Variants in FAM151B observed in about 807,000 individuals in gnomAD.
FAM151B encodes protein FAM151B.
A neutral mutation model predicts 31.2 loss-of-function variants in FAM151B; 24 were observed. That is an observed-to-expected ratio of 0.77 (90% CI 0.56 to 1.08). The LOEUF is 1.08. FAM151B is among the 50% of genes least tolerant of loss of function. FAM151B has a pLI of 0.00. For missense variants in FAM151B, 293 were observed against 328.6 expected, an observed-to-expected ratio of 0.89 and a Z score of 0.84; for synonymous variants, 105 against 111.4, an observed-to-expected ratio of 0.94 and a Z score of 0.36.
At chr5:80,494,485 TTTC>T (rs1272194602) in intron 1 of FAM151B, among the ~76,000 whole-genome samples, 3 of 144,876 alleles carry the variant, frequency 2.1e-5, no homozygotes, top group African/African-American at 8.1e-5. Context: ...TCTTTCTTTC[TTTC>T]TTTCTTTCTT....
chr5:80,537,243 G>T (rs1215260646), intron 5 of FAM151B, among the ~76,000 whole-genome samples: 1 of 152,128 alleles, frequency 6.6e-6, no homozygotes, highest in Admixed American at 6.5e-5. Context: ...AATCAACCTT[G>T]CTGATCCCTT....
chr5:80,541,815 A>C lies in FAM151B; in HGVS notation c.814A>C (p.Ile272Leu). Residue 272 changes from isoleucine (I) to leucine (L), a missense_variant, in exon 6 of 6, where the codon ATC becomes CTC. Coordinates refer to ENST00000282226, the MANE Select transcript of FAM151B (RefSeq NM_205548.3). ...QNHEFKQAIG[I>L]KVNL The stretch of plus-strand genomic sequence containing the variant: ...CCATGAATTTAAACAAGCCATTGGA[A>C]TCAAAGTTAATCTCTAAGAAGAAGA... 1 of 1,611,848 alleles carries C rather than the reference A, an allele frequency of 6.2e-7. No homozygotes were observed. The highest frequency in any genetic ancestry group is 8.5e-7 in the Non-Finnish European group (1 of 1,179,326).
chr5:80,523,538 A>G (rs1744811644), intron 5 of FAM151B, among the ~76,000 whole-genome samples: 4 of 152,332 alleles, frequency 2.6e-5, no homozygotes, highest in Middle Eastern at 3.4e-3. Context: ...TTCTGGAAGC[A>G]TCGTTTGTAT....
chr5:80,538,800 C>T (rs1017302938), intron 5 of FAM151B, among the ~76,000 whole-genome samples: 5 of 151,582 alleles, frequency 3.3e-5, no homozygotes, highest in Admixed American at 6.6e-5. Flanking sequence ...GGTTTTGCTA[C>T]ATTGGCCAGG....
At chr5:80,492,928 T>C (rs1414154209) in intron 1 of FAM151B, among the ~76,000 whole-genome samples, 2 of 152,170 alleles carry the variant, frequency 1.3e-5, no homozygotes, top group African/African-American at 4.8e-5. Context: ...CACACCAGCC[T>C]GGGCAACAGA....
At chr5:80,511,435 CAAAAAAAA>C (rs57587683) in intron 2 of FAM151B, among the ~76,000 whole-genome samples, 9 of 54,086 alleles carry the variant, frequency 1.7e-4, no homozygotes, top group South Asian at 7.4e-4. Context: ...GACTCTGTCT[CAAAAAAAA>C]AAAAAAAAAA....
chr5:80,529,958 G>T (rs370319706), intron 5 of FAM151B, among the ~76,000 whole-genome samples: 2 of 152,126 alleles, frequency 1.3e-5, no homozygotes, highest in Non-Finnish European at 2.9e-5. Flanking sequence ...ACCAATATCC[G>T]TGATGAACAT....
At chr5:80,524,892 A>T (rs928014793) in intron 5 of FAM151B, among the ~76,000 whole-genome samples, 2 of 152,320 alleles carry the variant, frequency 1.3e-5, no homozygotes, top group African/African-American at 4.8e-5. Flanking sequence ...TATCTTGATC[A>T]TCCACAGATC....
chr5:80,520,010 C>G, intron 4 of FAM151B, 100 bp downstream of exon 4: 1 of 1,157,002 alleles, frequency 8.6e-7, no homozygotes, highest in South Asian at 1.6e-5. Flanking sequence ...TCTACAAAAT[C>G]TAAGCCTGAT....
intron 2 of FAM151B, among the ~76,000 whole-genome samples, chr5:80,512,082 A>G (rs574957854): frequency 1.1e-4 from 16 of 152,292 alleles, no homozygotes; most frequent in Admixed American, 8.5e-4. Flanking sequence ...TTTTCACAAC[A>G]TTGACTTTGT....
At chr5:80,538,460 T>TCTCTCTC (rs1561383674) in intron 5 of FAM151B, among the ~76,000 whole-genome samples, 29 of 82,112 alleles carry the variant, frequency 3.5e-4, no homozygotes, top group Non-Finnish European at 4.8e-4. Flanking sequence ...CTTTCTTTCT[T>TCTCTCTC]TCTTTCTTTC....
intron 5 of FAM151B, among the ~76,000 whole-genome samples, chr5:80,533,364 G>A (rs574719932): frequency 7.2e-5 from 11 of 151,892 alleles, no homozygotes; most frequent in East Asian, 5.8e-4. Flanking sequence ...GTGACAAAGC[G>A]AGACTCCATC....
At chr5:80,537,220 T>C (rs1561382490) in intron 5 of FAM151B, among the ~76,000 whole-genome samples, 1 of 152,186 alleles carries the variant, frequency 6.6e-6, no homozygotes, top group Non-Finnish European at 1.5e-5. Context: ...CCAATTCCTG[T>C]CGCTCCTGGA....
At chr5:80,505,701 T>C (rs248998) in intron 2 of FAM151B, among the ~76,000 whole-genome samples, 54,768 of 149,514 alleles carry the variant, frequency 0.37, 10,606 homozygotes, top group African/African-American at 0.5. Flanking sequence ...GCCACATCCA[T>C]TGAGTTCTTA....
intron 1 of FAM151B, chr5:80,500,490 C>G: frequency 1.3e-6 from 1 of 782,446 alleles, no homozygotes; most frequent in Non-Finnish European, 2.3e-6. Context: ...TGTGAAAAAG[C>G]AAAACACTGT....
intron 2 of FAM151B, among the ~76,000 whole-genome samples, chr5:80,506,333 A>G (rs541445879): frequency 6.6e-6 from 1 of 152,358 alleles, no homozygotes; most frequent in East Asian, 1.9e-4. Flanking sequence ...CTGTCTTAAA[A>G]TCATGAGATG....
At chr5:80,538,185 A>G (rs1745608184) in intron 5 of FAM151B, among the ~76,000 whole-genome samples, 1 of 151,500 alleles carries the variant, frequency 6.6e-6, no homozygotes, top group African/African-American at 2.4e-5. Flanking sequence ...CTCCTGCCTC[A>G]GCCTCCCAAG....
At chr5:80,494,669 C>T (rs1022306306) in intron 1 of FAM151B, among the ~76,000 whole-genome samples, 60 of 151,446 alleles carry the variant, frequency 4.0e-4, no homozygotes, top group Non-Finnish European at 1.5e-4. Context: ...CACACCACCA[C>T]GGCCTACTAA....
At chr5:80,488,875 A>G (rs981122068) in intron 1 of FAM151B, among the ~76,000 whole-genome samples, 1 of 152,132 alleles carries the variant, frequency 6.6e-6, no homozygotes, top group African/African-American at 2.4e-5. Context: ...AAAAATGTCC[A>G]GGTCCTGATA....
Sources: gnomAD v4.1 joint callset for allele counts (sites outside exome capture counted in the v4.1 genomes callset) on GRCh38, gnomAD v4.1.1 for gene constraint, MANE v1.5 for transcripts, NCBI Gene and HGNC (gene_info 2026-07-23, HGNC 2026-07-21) for gene names.